Variants in CEACAM3 observed in about 807,000 individuals in gnomAD.
CEACAM3 encodes the protein CEA cell adhesion molecule 3, also known as cell adhesion molecule CEACAM3.
In CEACAM3, 32 loss-of-function variants were observed where a neutral mutation model predicts 30.1. The observed-to-expected ratio is 1.06, with a 90% CI of 0.80 to 1.43. The LOEUF (loss-of-function observed/expected upper bound fraction) is 1.43, where lower values mean the gene tolerates loss of function less well. CEACAM3 is among the 40% of genes most tolerant of loss of function. The probability of loss-of-function intolerance (pLI) is 0.00; values close to 1 mark genes in which losing one functional copy is unlikely to be tolerated. For missense variants in CEACAM3, 290 were observed against 316.3 expected (o/e 0.92, Z 0.63); for synonymous variants, 134 against 127.2 (o/e 1.05, Z -0.36).
At chr19:41,803,490 A>G (rs113578503) in intron 2 of CEACAM3, among the ~76,000 whole-genome samples, 68,455 of 140,640 alleles carry the variant, frequency 0.49, 19,463 homozygotes, top group Middle Eastern at 0.72. Flanking sequence ...TTTTTGAGAC[A>G]GAGTCTCGCT....
Position 41,797,798 on chromosome 19 carries a change from G to C in CEACAM3, c.274G>C (p.Gly92Arg), listed in dbSNP as rs201240301. 40 of 1,612,210 alleles carry C rather than the reference G, an allele frequency of 2.5e-5. No homozygotes were observed. The highest frequency in any genetic ancestry group is 1.6e-4 in the Middle Eastern group (1 of 6,082). ...YVIGTQQATP[G>R]AAYSGRETIY... ...AATAGGAACTCAACAAGCTACCCCA[G>C]GGGCCGCATACAGCGGTCGAGAGAC... is the stretch of plus-strand genomic sequence containing the variant. Residue 92 changes from glycine to arginine, a missense_variant, in exon 2 of 7, where the codon GGG becomes CGG. Transcript: ENST00000357396.
At position 41,811,275 on chromosome 19, in the gene CEACAM3, T is replaced by G; in HGVS notation, c.*38T>G. 6.4e-7 allele frequency: 1 copy of G among 1,569,156 alleles called. No homozygotes were observed. The highest frequency in any genetic ancestry group is 8.8e-7 in the Non-Finnish European group (1 of 1,141,182). On this transcript the variant is annotated 3_prime_UTR_variant, in exon 7 of 7. Transcript: ENST00000357396. ...GCTGCTCCTGTGTGTTGATGGAGAG[T>G]CCCCAAGGCCCCCAGCCCTGGGGAT...
chr19:41,807,399 G>A, intron 2 of CEACAM3: 1 of 710,344 alleles, frequency 1.4e-6, no homozygotes, highest in Middle Eastern at 6.9e-4. Flanking sequence ...TGTATCTTCT[G>A]TTCCTCTGTG....
chr19:41,809,952 T>C lies in CEACAM3; in HGVS notation c.543-13T>C, dbSNP rs1422317471. The C allele has an allele frequency of 6.2e-7, 1 of 1,613,832 alleles. No homozygotes were observed. The highest frequency in any genetic ancestry group is 8.5e-7 in the Non-Finnish European group (1 of 1,179,816). The stretch of plus-strand genomic sequence containing the variant: ...AACCTGGCACCCTCCCAAATGACCC[T>C]GACCTTTCCTAGAACCAGCATCCAG... On this transcript the variant is annotated splice_polypyrimidine_tract_variant and intron_variant, in intron 3 of 6. Transcript: ENST00000357396.
At chr19:41,800,861 G>A (rs539340880) in intron 2 of CEACAM3, among the ~76,000 whole-genome samples, 2 of 152,170 alleles carry the variant, frequency 1.3e-5, no homozygotes, top group East Asian at 1.9e-4. Flanking sequence ...CAGTCTCCGC[G>A]CATTGGTGGT....
intron 2 of CEACAM3, among the ~76,000 whole-genome samples, chr19:41,806,097 G>C (rs547849214): frequency 1.3e-5 from 2 of 151,806 alleles, no homozygotes; most frequent in Non-Finnish European, 2.9e-5. Context: ...GTGTAATCTC[G>C]GCTCACTACA....
intron 4 of CEACAM3, 97 bp downstream of exon 4, chr19:41,810,114 T>TC (rs1263666499): frequency 1.5e-6 from 2 of 1,376,600 alleles, no homozygotes; most frequent in African/African-American, 2.9e-5. Flanking sequence ...TCTGATCCTT[T>TC]CCCGGGGGCT....
rs1024487795 is a variant in CEACAM3 at position 41,810,340 on chromosome 19, A to G, written c.613A>G (p.Ser205Gly). The G allele has an allele frequency of 1.2e-6, 2 of 1,603,806 alleles. No individual in the cohort carries two copies. The highest frequency in any genetic ancestry group is 1.7e-6 in the Non-Finnish European group (2 of 1,175,858). Residue 205 changes from serine to glycine, a missense_variant, in exon 5 of 7, where the codon AGC becomes GGC. Physicochemically the swap from Ser to Gly is moderately conservative, Grantham distance 56. Transcript: ENST00000357396. ...GTTTCCAGGCCGTGGTCCCTCCCAC[A>G]GCTCTGCCTTCTCGGTAAGCCTGTC... ...ALAPGRGPSH[S>G]SAFSMSPLST...
At position 41,809,429 on chromosome 19, in the gene CEACAM3, T is replaced by C. The variant is rs189162933; in HGVS notation, c.542+499T>C. On this transcript the variant is annotated intron_variant, in intron 3 of 6. Coordinates refer to ENST00000357396, the MANE Select transcript of CEACAM3 (RefSeq NM_001815.5). ...TAACCATAGGCCCTGAGGTGTGAGATGGGAGAACCTGGGCCTCAGAACAGC... is the reference window on the plus strand; with the variant it reads ...TAACCATAGGCCCTGAGGTGTGAGACGGGAGAACCTGGGCCTCAGAACAGC... 3.1e-5 allele frequency: 5 copies of C among 162,292 alleles called. No individual in the cohort carries two copies. In the East Asian group the frequency reaches 7.4e-4, roughly 24 times the overall value. The allele number at this position is 162,292 out of a possible 1,614,324, so 10.1% of individuals were successfully genotyped here.
chr19:41,806,909 G>C (rs868927027), intron 2 of CEACAM3, among the ~76,000 whole-genome samples: 2 of 152,024 alleles, frequency 1.3e-5, no homozygotes. Flanking sequence ...GGATGGTCTC[G>C]ATCTCGTGAC....
intron 2 of CEACAM3, among the ~76,000 whole-genome samples, chr19:41,804,691 A>G (rs1555826481): frequency 6.6e-6 from 1 of 152,210 alleles, no homozygotes; most frequent in African/African-American, 2.4e-5. Context: ...TGAGCTTAAC[A>G]TGATTATGCT....
At chr19:41,804,854 A>G (rs1357756424) in intron 2 of CEACAM3, among the ~76,000 whole-genome samples, 1 of 150,884 alleles carries the variant, frequency 6.6e-6, no homozygotes, top group African/African-American at 2.4e-5. Flanking sequence ...TTTTTTCACT[A>G]TAGTGAGATC....
Position 41,811,526 on chromosome 19 carries a change from G to T in CEACAM3, c.*289G>T. On this transcript the variant is annotated 3_prime_UTR_variant, in exon 7 of 7. Coordinates refer to ENST00000357396, the MANE Select transcript of CEACAM3 (RefSeq NM_001815.5). ...GGCCCACCTGGGGTCACTTGGAAAG[G>T]ATCTGAATAAAGGGGACCCTTCCTC... The T allele has an allele frequency of 2.3e-6, 1 of 430,106 alleles. No homozygotes were observed. The highest frequency in any genetic ancestry group is 3.4e-5 in the East Asian group (1 of 29,152). The allele number at this position is 430,106 out of a possible 1,614,324, so 26.6% of individuals were successfully genotyped here.
chr19:41,800,900 T>A (rs2073141143), intron 2 of CEACAM3, among the ~76,000 whole-genome samples: 1 of 152,090 alleles, frequency 6.6e-6, no homozygotes. Context: ...CAGCTGTCTG[T>A]TCTTTTATCT....
chr19:41,811,369 C>A lies in CEACAM3; in HGVS notation c.*132C>A. 1 of 739,496 alleles carries A rather than the reference C, an allele frequency of 1.4e-6. No homozygotes were observed. Among genetic ancestry groups the A allele is most frequent in the Non-Finnish European group, 2.3e-6 (1 of 433,034 alleles). 45.8% of individuals were successfully genotyped at this position (739,496 alleles called of 1,614,324 possible). ...CTGAGAAGACACTGGTGTCTGGGGGCAGGGAGGGATGGGGGTCCCTGATGA... is the reference window on the plus strand; with the variant it reads ...CTGAGAAGACACTGGTGTCTGGGGGAAGGGAGGGATGGGGGTCCCTGATGA... On this transcript the variant is annotated 3_prime_UTR_variant, in exon 7 of 7. Transcript: ENST00000357396.
chr19:41,811,087 C>A, intron 6 of CEACAM3, 85 bp from the exon 7 acceptor site: 4 of 1,476,920 alleles, frequency 2.7e-6, no homozygotes, highest in Non-Finnish European at 3.8e-6. Flanking sequence ...CCCAGAGCAG[C>A]CCTGGATGGG....
chr19:41,810,744 G>A, intron 5 of CEACAM3, 88 bp from the exon 6 acceptor site: 1 of 1,224,104 alleles, frequency 8.2e-7, no homozygotes, highest in African/African-American at 1.5e-5. Flanking sequence ...GAAATGACCA[G>A]AAGTAAACAC....
At chr19:41,810,184 C>T (rs2073237711) in intron 4 of CEACAM3, 139 bp from the exon 5 acceptor site, 1 of 1,287,064 alleles carries the variant, frequency 7.8e-7, no homozygotes, top group East Asian at 2.4e-5. Context: ...TCAGCCCTCA[C>T]CTGTGGGCTC....
In CEACAM3 at chr19:41,796,685, C is replaced by G; in HGVS notation, c.8C>G (p.Pro3Arg). The change falls in exon 1 of 7, where the codon CCC becomes CGC. Residue 3 changes from proline to arginine, a missense_variant. Transcript: ENST00000357396. Reference protein sequence around the residue: MGPPSASPHRECI... With the variant: MGRPSASPHRECI... ...GAGCAGGCAGCAGAGACCATGGGGC[C>G]CCCCTCAGCCTCTCCCCACAGAGAA... The G allele has an allele frequency of 7.4e-6, 12 of 1,614,112 alleles. No individual in the cohort carries two copies. Among genetic ancestry groups the G allele is most frequent in the Non-Finnish European group, 1.0e-5 (12 of 1,179,982 alleles).
Sources: gnomAD v4.1 joint callset for allele counts (sites outside exome capture counted in the v4.1 genomes callset) on GRCh38, gnomAD v4.1.1 for gene constraint, MANE v1.5 for transcripts, NCBI Gene and HGNC (gene_info 2026-07-23, HGNC 2026-07-21) for gene names.